The following ACTR2 variants were observed in gnomAD, a reference collection of about 807,000 sequenced individuals.
ACTR2 encodes actin related protein 2.
ACTR2 carries 5 observed loss-of-function variants against 50.2 expected under a neutral mutation model. The observed-to-expected ratio is 0.10, with a 90% CI of 0.05 to 0.21. The LOEUF (loss-of-function observed/expected upper bound fraction) is 0.21, where lower values mean the gene tolerates loss of function less well. Among genes scored for constraint, ACTR2 ranks in the 10% least tolerant of loss-of-function variants. The pLI is 1.00. For synonymous variants in ACTR2, 140 were observed against 162.9 expected (o/e 0.86, Z 1.07); for missense variants, 180 against 480.6 (o/e 0.37, Z 5.85).
intron 6 of ACTR2, among the ~76,000 whole-genome samples, chr2:65,256,800 A>G (rs371620331): frequency 6.7e-6 from 1 of 150,002 alleles, no homozygotes; most frequent in African/African-American, 2.5e-5. Context: ...TCAACCCAGG[A>G]GGCAGAGGTT....
Position 65,269,944 on chromosome 2 carries a change from A to G in ACTR2, c.*1210A>G, listed in dbSNP as rs1672460120. The G allele has an allele frequency of 6.6e-6, 1 of 152,214 alleles. No homozygotes were observed. The highest frequency in any genetic ancestry group is 6.5e-5 in the Admixed American group (1 of 15,278). 9.4% of individuals were successfully genotyped at this position (152,214 alleles called of 1,614,324 possible). Reference sequence around the variant, plus strand: ...ATTTTTTTATTTGTACTGAAAAACTAATCATAACTGTTAATTCTCAGCCAT... The same window carrying G: ...ATTTTTTTATTTGTACTGAAAAACTGATCATAACTGTTAATTCTCAGCCAT... On this transcript the variant is annotated 3_prime_UTR_variant, in exon 9 of 9. Coordinates refer to ENST00000260641, the MANE Select transcript of ACTR2 (RefSeq NM_005722.4).
intron 1 of ACTR2, 194 bp downstream of exon 1, chr2:65,228,151 T>G: frequency 2.2e-6 from 1 of 457,374 alleles, no homozygotes; most frequent in African/African-American, 2.1e-5. Context: ...GCCACCCATT[T>G]AGCCTGCCAC....
intron 6 of ACTR2, 134 bp from the exon 7 acceptor site, chr2:65,261,113 A>T: frequency 2.4e-6 from 2 of 820,896 alleles, no homozygotes; most frequent in Non-Finnish European, 1.9e-6. Context: ...TTCCCCAAAT[A>T]TATTTTAGGA....
At position 65,233,987 on chromosome 2, in the gene ACTR2, G is replaced by A. The variant is rs1671686614; in HGVS notation, c.49-5865G>A. 5.3e-5 allele frequency among the ~76,000 whole-genome samples: 8 copies of A among 151,780 alleles called. No individual in the cohort carries two copies. The South Asian group carries it at 1.0e-3, about 20-fold the overall frequency. On this transcript the variant is annotated intron_variant, in intron 1 of 8. Coordinates refer to ENST00000260641, the MANE Select transcript of ACTR2 (RefSeq NM_005722.4). ...GTACAATCATGGCTCAAGGCTCAAC[G>A]TAGCCTCAACCTCCCTGGGCTCAGG...
intron 2 of ACTR2, among the ~76,000 whole-genome samples, chr2:65,240,997 T>G (rs1573152580): frequency 6.6e-6 from 1 of 152,138 alleles, no homozygotes; most frequent in Non-Finnish European, 1.5e-5. Flanking sequence ...TTGGGTTCTG[T>G]GTTAGTTTTT....
rs1672434117 is a variant in ACTR2, at chr2:65,268,854, G to C, written c.*120G>C. 8.9e-7 allele frequency: 1 copy of C among 1,127,798 alleles called. No individual in the cohort carries two copies. The highest frequency in any genetic ancestry group is 2.5e-5 in the Admixed American group (1 of 39,238). 69.9% of individuals were successfully genotyped at this position (1,127,798 alleles called of 1,614,324 possible). A position where few individuals can be genotyped will look rare whatever the true frequency, so the allele number is the denominator to read the frequency against. On this transcript the variant is annotated 3_prime_UTR_variant, in exon 9 of 9. Coordinates refer to ENST00000260641, the MANE Select transcript of ACTR2 (RefSeq NM_005722.4). ...CTCTCTCTGCCCTTTGACTGGAAAG[G>C]TCAAGTTTTATTCTGGTGTCTTGGG...
intron 6 of ACTR2, 118 bp downstream of exon 6, chr2:65,255,812 GTA>G: frequency 2.6e-6 from 2 of 770,510 alleles, no homozygotes; most frequent in South Asian, 3.1e-5. Flanking sequence ...GTTGTAATAT[GTA>G]TATGTGTGAC....
chr2:65,269,594 C>G lies in ACTR2; in HGVS notation c.*860C>G, dbSNP rs1395478939. 1 of 152,130 alleles carries G rather than the reference C, an allele frequency of 6.6e-6. No individual in the cohort carries two copies. The highest frequency in any genetic ancestry group is 1.9e-4 in the East Asian group (1 of 5,194). The allele number at this position is 152,130 out of a possible 1,614,324, so 9.4% of individuals were successfully genotyped here. ...ACATTTAAAAATCCTTTGGGTAATT[C>G]GAATTACAGATTTAAAAGAGCTTAA... is the stretch of plus-strand genomic sequence containing the variant. On this transcript the variant is annotated 3_prime_UTR_variant, in exon 9 of 9. Transcript: ENST00000260641.
At chr2:65,260,194 G>A (rs1454672176) in intron 6 of ACTR2, among the ~76,000 whole-genome samples, 1 of 152,158 alleles carries the variant, frequency 6.6e-6, no homozygotes, top group Admixed American at 6.6e-5. Flanking sequence ...GTAATTATTT[G>A]ATGAAATAAA....
At chr2:65,239,732 C>T in intron 1 of ACTR2, 120 bp from the exon 2 acceptor site, 1 of 688,332 alleles carries the variant, frequency 1.5e-6, no homozygotes, top group Admixed American at 2.4e-5. Context: ...TTCGGGTGGA[C>T]TGAAAGCACC....
intron 5 of ACTR2, 151 bp from the exon 6 acceptor site, chr2:65,255,394 A>T (rs1573163450): frequency 1.7e-6 from 1 of 601,364 alleles, no homozygotes; most frequent in African/African-American, 1.8e-5. Context: ...TTTATGGCGG[A>T]TAAAATCCTG....
chr2:65,262,408 T>G (rs1672284962), intron 7 of ACTR2, among the ~76,000 whole-genome samples: 1 of 151,620 alleles, frequency 6.6e-6, no homozygotes, highest in South Asian at 2.1e-4. Flanking sequence ...TTTTTTTTTT[T>G]TTTGTATTTT....
intron 1 of ACTR2, among the ~76,000 whole-genome samples, chr2:65,235,420 T>G (rs1573148186): frequency 6.6e-6 from 1 of 152,278 alleles, no homozygotes; most frequent in Non-Finnish European, 1.5e-5. Context: ...GCAAGTGGGT[T>G]ATCTATTGCA....
At chr2:65,242,247 T>C (rs1273983152) in intron 2 of ACTR2, among the ~76,000 whole-genome samples, 1 of 152,198 alleles carries the variant, frequency 6.6e-6, no homozygotes, top group Non-Finnish European at 1.5e-5. Context: ...GTCCTATACT[T>C]TCCTGATTGC....
In ACTR2 at chr2:65,268,948, T is replaced by C. The variant is rs1395358723; in HGVS notation, c.*214T>C. 4.0e-6 allele frequency: 2 copies of C among 500,566 alleles called. No individual in the cohort carries two copies. The highest frequency in any genetic ancestry group is 2.4e-5 in the South Asian group (1 of 40,854). The allele number at this position is 500,566 out of a possible 1,614,324, so 31.0% of individuals were successfully genotyped here. On this transcript the variant is annotated 3_prime_UTR_variant, in exon 9 of 9. Coordinates refer to ENST00000260641, the MANE Select transcript of ACTR2 (RefSeq NM_005722.4). ...AATTCAACTGCTTCCCTACATAGAC[T>C]AGAGGGCTAAGGATTCTGTCTGCTG...
chr2:65,255,718 T>C (rs751120464), intron 6 of ACTR2, 24 bp downstream of exon 6: 1 of 1,585,778 alleles, frequency 6.3e-7, no homozygotes. Flanking sequence ...GTGTATAATA[T>C]ATATGTGTTT....
rs539423620 is a variant in ACTR2, at chr2:65,263,008, A to G, written c.881+1616A>G. On this transcript the variant is annotated intron_variant, in intron 7 of 8. Transcript: ENST00000260641. ...GAAAGTTCCTAAAAAAAAAACATAT[A>G]TATATATATAAAACATATTTTTATA... Among the ~76,000 whole-genome samples, 11 of 150,856 alleles carry G rather than the reference A, an allele frequency of 7.3e-5. No homozygotes were observed. The East Asian group carries it at 1.8e-3, about 24-fold the overall frequency.
intron 2 of ACTR2, 119 bp downstream of exon 2, chr2:65,240,081 G>A (rs1671812746): frequency 3.1e-6 from 2 of 640,004 alleles, no homozygotes; most frequent in African/African-American, 1.8e-5. Context: ...AAAGGGGAGG[G>A]TAGAAGTTCT....
intron 7 of ACTR2, 144 bp from the exon 8 acceptor site, chr2:65,264,899 C>A: frequency 1.1e-6 from 1 of 882,322 alleles, no homozygotes; most frequent in Non-Finnish European, 1.8e-6. Flanking sequence ...GTAGTAATAA[C>A]AGCAAATATT....
Sources: allele counts gnomAD v4.1 joint callset (sites outside exome capture counted in the v4.1 genomes callset), GRCh38; gene constraint gnomAD v4.1.1; transcripts MANE v1.5; gene names NCBI Gene and HGNC (gene_info 2026-07-23, HGNC 2026-07-21).